The following FBXL20 variants were observed in gnomAD, a reference collection of about 807,000 sequenced individuals.
FBXL20 encodes F-box and leucine rich repeat protein 20, also known as F-box/LRR-repeat protein 20.
In FBXL20, 11 loss-of-function variants were observed where a neutral mutation model predicts 64.0. The observed-to-expected ratio is 0.17, with a 90% CI of 0.11 to 0.28. The LOEUF is 0.28. Among genes scored for constraint, FBXL20 ranks in the 10% least tolerant of loss-of-function variants. The probability of loss-of-function intolerance (pLI) is 1.00; values close to 1 mark genes in which losing one functional copy is unlikely to be tolerated. For synonymous variants in FBXL20, 184 were observed against 189.0 expected, an observed-to-expected ratio of 0.97 and a Z score of 0.22; for missense variants, 303 against 526.2, an observed-to-expected ratio of 0.58 and a Z score of 4.15.
chr17:39,401,703 C>G, upstream of FBXL20: 2 of 1,073,256 alleles, frequency 1.9e-6, no homozygotes, highest in Non-Finnish European at 2.3e-6. Context: ...CAGAGCCGCC[C>G]GGGCCTCGGA....
intron 2 of FBXL20, among the ~76,000 whole-genome samples, chr17:39,328,888 T>C (rs1039491129): frequency 1.3e-5 from 2 of 152,028 alleles, no homozygotes; most frequent in South Asian, 2.1e-4. Context: ...TCCCTATCTC[T>C]ACAAAAAATT....
chr17:39,402,098 G>T, upstream of FBXL20: 1 of 1,202,234 alleles, frequency 8.3e-7, no homozygotes, highest in Non-Finnish European at 1.0e-6. Flanking sequence ...GTCGCCCCTC[G>T]TCACTTGTTC....
rs2046708437 is a variant in FBXL20, at chr17:39,257,784, A to C, written c.*3676T>G. On this transcript the variant is annotated 3_prime_UTR_variant, in exon 15 of 15. Coordinates refer to ENST00000264658, the MANE Select transcript of FBXL20 (RefSeq NM_032875.3). ...AGCTAGACTTGAGACATCTGAGAGT[A>C]AATCAGCAGCATTACTGAGGGTGAG... 1 of 152,538 alleles carries C rather than the reference A, an allele frequency of 6.6e-6. No individual in the cohort carries two copies. Among genetic ancestry groups the C allele is most frequent in the African/African-American group, 2.4e-5 (1 of 41,456 alleles). The allele number at this position is 152,538 out of a possible 1,614,324, so 9.4% of individuals were successfully genotyped here.
intron 2 of FBXL20, among the ~76,000 whole-genome samples, chr17:39,320,797 G>A (rs974910479): frequency 2.6e-5 from 4 of 151,888 alleles, no homozygotes; most frequent in African/African-American, 9.7e-5. Context: ...GCTTCACCAC[G>A]TTGGCCAGGC....
chr17:39,379,211 C>CA (rs1222575162), intron 1 of FBXL20, among the ~76,000 whole-genome samples: 4 of 147,444 alleles, frequency 2.7e-5, no homozygotes, highest in African/African-American at 7.5e-5. Context: ...AACTCCGTCT[C>CA]AAAAAAAATA....
At position 39,256,675 on chromosome 17, in the gene FBXL20, C is replaced by CA. The variant is rs1259474058; in HGVS notation, c.*4784dup. ...ATCATACACATAAGGAGGAATAAGG[C>CA]AAAATAGAGCAATTTCCTTTAAACC... is the stretch of plus-strand genomic sequence containing the variant. On this transcript the variant is annotated 3_prime_UTR_variant, in exon 15 of 15. Transcript: ENST00000264658. 1 of 152,144 alleles carries CA rather than the reference C, an allele frequency of 6.6e-6. No homozygotes were observed. Among genetic ancestry groups the CA allele is most frequent in the Non-Finnish European group, 1.5e-5 (1 of 68,020 alleles). 9.4% of individuals were successfully genotyped at this position (152,144 alleles called of 1,614,324 possible).
At chr17:39,313,479 C>A (rs1245864250) in intron 2 of FBXL20, among the ~76,000 whole-genome samples, 1 of 148,592 alleles carries the variant, frequency 6.7e-6, no homozygotes, top group Non-Finnish European at 1.5e-5. Flanking sequence ...GTGATCCGCC[C>A]GCCTCGGCCT....
chr17:39,300,912 C>A, intron 4 of FBXL20, 89 bp downstream of exon 4: 1 of 1,268,232 alleles, frequency 7.9e-7, no homozygotes, highest in Non-Finnish European at 1.1e-6. Context: ...CTCTCTTTAA[C>A]GAAAATGAGA....
At chr17:39,345,083 G>A (rs896786801) in intron 1 of FBXL20, among the ~76,000 whole-genome samples, 2 of 152,178 alleles carry the variant, frequency 1.3e-5, no homozygotes, top group Non-Finnish European at 2.9e-5. Context: ...ACATGTGACC[G>A]AAGCTGAGAG....
chr17:39,328,093 C>A (rs1011574916), intron 2 of FBXL20, among the ~76,000 whole-genome samples: 20 of 151,122 alleles, frequency 1.3e-4, no homozygotes, highest in African/African-American at 4.9e-4. Flanking sequence ...ACTAAAAATA[C>A]AAAAATTAGC....
At chr17:39,284,075 A>T (rs199570704) in intron 7 of FBXL20, among the ~76,000 whole-genome samples, 1 of 152,204 alleles carries the variant, frequency 6.6e-6, no homozygotes, top group East Asian at 1.9e-4. Context: ...CCACAATAAC[A>T]GTTGACTGTG....
At chr17:39,274,944 T>C (rs1191097689) in intron 10 of FBXL20, 26 bp downstream of exon 10, 3 of 1,610,382 alleles carry the variant, frequency 1.9e-6, no homozygotes, top group Non-Finnish European at 2.5e-6. Flanking sequence ...TCTATGATTT[T>C]TTTGAGCTAA....
intron 1 of FBXL20, among the ~76,000 whole-genome samples, chr17:39,400,953 T>C (rs762813668): frequency 3.3e-5 from 5 of 152,146 alleles, no homozygotes; most frequent in Non-Finnish European, 5.9e-5. Context: ...CATCCCCTAA[T>C]TTCCTCCCTC....
At position 39,261,076 on chromosome 17, in the gene FBXL20, A is replaced by G. The variant is rs952506259; in HGVS notation, c.*384T>C. 2.0e-5 allele frequency: 4 copies of G among 200,270 alleles called. No homozygotes were observed. The highest frequency in any genetic ancestry group is 9.6e-5 in the African/African-American group (4 of 41,884). 12.4% of individuals were successfully genotyped at this position (200,270 alleles called of 1,614,324 possible). A position where few individuals can be genotyped will look rare whatever the true frequency, so the allele number is the denominator to read the frequency against. ...GCTTTTCTTGACCCCGGAGGACAGC[A>G]GATGCTGTTCTAAAATCCCCAAAGA... On this transcript the variant is annotated 3_prime_UTR_variant, in exon 15 of 15. Transcript: ENST00000264658.
chr17:39,372,009 G>A (rs986468158), intron 1 of FBXL20, among the ~76,000 whole-genome samples: 1 of 152,134 alleles, frequency 6.6e-6, no homozygotes, highest in Admixed American at 6.5e-5. Flanking sequence ...CTTTTCAGGA[G>A]CTTCACAGAC....
At chr17:39,281,599 C>T (rs1035043193) in intron 8 of FBXL20, 136 bp from the exon 9 acceptor site, 42 of 633,170 alleles carry the variant, frequency 6.6e-5, no homozygotes, top group South Asian at 5.9e-4. Flanking sequence ...TCAGAAAATA[C>T]GCTATGATCA....
chr17:39,269,821 A>T (rs2046827182), intron 11 of FBXL20, among the ~76,000 whole-genome samples: 1 of 151,682 alleles, frequency 6.6e-6, no homozygotes, highest in African/African-American at 2.4e-5. Context: ...ACAGAGATGA[A>T]ATTTCGCCAT....
chr17:39,360,688 TG>T (rs1347935972), intron 1 of FBXL20, among the ~76,000 whole-genome samples: 2 of 152,222 alleles, frequency 1.3e-5, no homozygotes, highest in African/African-American at 4.8e-5. Context: ...CTTTGTCCTC[TG>T]CTCTATGTCT....
chr17:39,269,254 C>T (rs1160184387), intron 11 of FBXL20, among the ~76,000 whole-genome samples: 3 of 152,010 alleles, frequency 2.0e-5, no homozygotes, highest in East Asian at 1.9e-4. Flanking sequence ...AATGCAGTGG[C>T]ATGATCTCGG....
Sources: gnomAD v4.1 joint callset for allele counts (sites outside exome capture counted in the v4.1 genomes callset) on GRCh38, gnomAD v4.1.1 for gene constraint, MANE v1.5 for transcripts, NCBI Gene and HGNC (gene_info 2026-07-23, HGNC 2026-07-21) for gene names.